The following FCRL5 variants were observed in gnomAD, a reference collection of about 807,000 sequenced individuals.
FCRL5 encodes Fc receptor-like protein 5.
In FCRL5, 79 loss-of-function variants were observed where a neutral mutation model predicts 92.1. The ratio of observed to expected loss-of-function variants is 0.86; its 90% confidence interval spans 0.72 to 1.03. The LOEUF (loss-of-function observed/expected upper bound fraction) is 1.03, where lower values mean the gene tolerates loss of function less well. Ranked by LOEUF, FCRL5 falls within the 50% of genes least tolerant of loss-of-function variation. The pLI is 0.00. For missense variants in FCRL5, 1,160 were observed against 1,181.1 expected (o/e 0.98, Z 0.26); for synonymous variants, 466 against 469.3 (o/e 0.99, Z 0.09).
chr1:157,545,884 T>A (rs1263871245), intron 3 of FCRL5, among the ~76,000 whole-genome samples: 1 of 152,200 alleles, frequency 6.6e-6, no homozygotes, highest in Non-Finnish European at 1.5e-5. Context: ...TGGACATCTG[T>A]GATTGTTTCA....
rs1443876429 is a variant in FCRL5 at position 157,544,379 on chromosome 1, G to C, written c.727C>G (p.Pro243Ala). The C allele has an allele frequency of 6.2e-7, 1 of 1,614,194 alleles. No individual in the cohort carries two copies. Among genetic ancestry groups the C allele is most frequent in the East Asian group, 2.2e-5 (1 of 44,874 alleles). The change falls in exon 5 of 17, where the codon CCG becomes GCG. Residue 243 changes from proline (P) to alanine (A), a missense_variant. Pro to Ala is a conservative substitution (Grantham distance 27, BLOSUM62 -1). Transcript: ENST00000361835. ...CACATGGCAGTAATCTGGAAATTCG[G>C]GGAGAGACTCCAGCCTAATCCCAGG... ...QTLGLGWSLS[P>A]NFQITAMWSK...
intron 13 of FCRL5, among the ~76,000 whole-genome samples, chr1:157,519,384 T>G (rs1650075947): frequency 6.6e-6 from 1 of 152,170 alleles, no homozygotes; most frequent in Non-Finnish European, 1.5e-5. Context: ...GTTGATGAGA[T>G]CAGCATCTCC....
chr1:157,524,434 T>C lies in FCRL5; in HGVS notation c.2084A>G (p.His695Arg). ...GATCTTACCCAGGGTGACATCTTCATGATAAAACCAGTACAGGATTGGGGA... is the reference window on the plus strand; with the variant it reads ...GATCTTACCCAGGGTGACATCTTCACGATAAAACCAGTACAGGATTGGGGA... ...GSSPILYWFY[H>R]EDVTLGKISA... Residue 695 changes from histidine to arginine, a missense_variant, in exon 10 of 17, where the codon CAT becomes CGT. By Grantham distance (29) the His-to-Arg change is conservative. Coordinates refer to ENST00000361835, the MANE Select transcript of FCRL5 (RefSeq NM_031281.3). 6.2e-7 allele frequency: 1 copy of C among 1,614,208 alleles called. No homozygotes were observed. The highest frequency in any genetic ancestry group is 8.5e-7 in the Non-Finnish European group (1 of 1,180,034).
Position 157,544,897 on chromosome 1 carries a change from G to A in FCRL5, c.493C>T (p.Arg165Cys), listed in dbSNP as rs756698513. 2.5e-6 allele frequency: 4 copies of A among 1,614,096 alleles called. No individual in the cohort carries two copies. Among genetic ancestry groups the A allele is most frequent in the South Asian group, 2.2e-5 (2 of 91,078 alleles). The change falls in exon 4 of 17, where the codon CGC becomes TGC. Residue 165 changes from arginine to cysteine, a missense_variant. By Grantham distance (180) the Arg-to-Cys change is radical. Coordinates refer to ENST00000361835, the MANE Select transcript of FCRL5 (RefSeq NM_031281.3). The stretch of plus-strand genomic sequence containing the variant: ...CAACTTTCCTTATATCCAGTACAGC[G>A]ATATGCACCATTGTCCTTGAGACAT... ...HACLKDNGAY[R>C]CTGYKESCCP...
At chr1:157,523,458 T>C (rs1650290694) in intron 10 of FCRL5, among the ~76,000 whole-genome samples, 1 of 152,146 alleles carries the variant, frequency 6.6e-6, no homozygotes, top group African/African-American at 2.4e-5. Flanking sequence ...TGGGAAGAGG[T>C]GCTTGGCCAA....
At chr1:157,526,492 C>T (rs1316511338) in intron 9 of FCRL5, among the ~76,000 whole-genome samples, 5 of 152,038 alleles carry the variant, frequency 3.3e-5, no homozygotes, top group Admixed American at 1.3e-4. Context: ...TACCATGTTA[C>T]GTGCCAGTGC....
intron 7 of FCRL5, among the ~76,000 whole-genome samples, chr1:157,537,363 C>T (rs1651014591): frequency 1.3e-5 from 2 of 152,180 alleles, no homozygotes; most frequent in Non-Finnish European, 2.9e-5. Flanking sequence ...GCTCTGGTCT[C>T]CTGTAGTGCT....
chr1:157,546,965 A>G lies in FCRL5; in HGVS notation c.285T>C (p.Pro95=). ...CACCTGAAGAAAAATCCAAGTGCAC[A>G]GGGCTACTGAGAGGGGAGCCCTGGG... The part of the protein sequence containing the change: ...CQAQGSPLSS[P]VHLDFSSASL... Residue 95 remains proline, a synonymous_variant, in exon 3 of 17, where the codon CCT becomes CCC. Transcript: ENST00000361835. 3.1e-6 allele frequency: 5 copies of G among 1,613,562 alleles called. No homozygotes were observed. Among genetic ancestry groups the G allele is most frequent in the Non-Finnish European group, 3.4e-6 (4 of 1,179,660 alleles).
intron 8 of FCRL5, 157 bp downstream of exon 8, chr1:157,534,457 G>T: frequency 1.2e-6 from 1 of 828,492 alleles, no homozygotes; most frequent in Non-Finnish European, 2.0e-6. Flanking sequence ...CAGGACTTAT[G>T]AGTACGGAAA....
chr1:157,535,399 A>G (rs1304750206), intron 7 of FCRL5, among the ~76,000 whole-genome samples: 1 of 152,238 alleles, frequency 6.6e-6, no homozygotes, highest in Admixed American at 6.5e-5. Flanking sequence ...CTATCTCCAT[A>G]TAAGAAAAAC....
chr1:157,534,169 C>T, intron 8 of FCRL5: 1 of 396,260 alleles, frequency 2.5e-6, no homozygotes, highest in South Asian at 2.6e-5. Context: ...TCCTAGGGAG[C>T]CATTTCCCCC....
Position 157,514,040 on chromosome 1 carries a change from T to G in FCRL5, c.*1635A>C, listed in dbSNP as rs776652442. 1.3e-5 allele frequency: 2 copies of G among 152,272 alleles called. No individual in the cohort carries two copies. The highest frequency in any genetic ancestry group is 2.9e-5 in the Non-Finnish European group (2 of 68,074). 9.4% of individuals were successfully genotyped at this position (152,272 alleles called of 1,614,324 possible). On this transcript the variant is annotated 3_prime_UTR_variant, in exon 17 of 17. Coordinates refer to ENST00000361835, the MANE Select transcript of FCRL5 (RefSeq NM_031281.3). ...TGCATACAGGCTCCTGTCTCAGGTG[T>G]CTGGTTTCCTCCTTGAAAGGTTGGG...
At chr1:157,536,470 C>T (rs915690339) in intron 7 of FCRL5, among the ~76,000 whole-genome samples, 9 of 152,222 alleles carry the variant, frequency 5.9e-5, no homozygotes, top group Admixed American at 2.0e-4. Flanking sequence ...CCCTCCTTCA[C>T]GCCTGGCTGC....
chr1:157,551,594 A>T (rs1651812911), intron 1 of FCRL5, among the ~76,000 whole-genome samples: 1 of 152,192 alleles, frequency 6.6e-6, no homozygotes, highest in Non-Finnish European at 1.5e-5. Context: ...ACTTTCCAGA[A>T]CATAGACGTA....
chr1:157,536,786 A>G (rs968529637), intron 7 of FCRL5, among the ~76,000 whole-genome samples: 35 of 152,344 alleles, frequency 2.3e-4, no homozygotes, highest in African/African-American at 7.5e-4. Context: ...AGGGACCCCG[A>G]ATGGAGGGAC....
At chr1:157,548,615 G>T (rs1484344817) in intron 2 of FCRL5, among the ~76,000 whole-genome samples, 1 of 152,168 alleles carries the variant, frequency 6.6e-6, no homozygotes, top group Non-Finnish European at 1.5e-5. Context: ...CCATCAAAAA[G>T]TGGGTGAAGG....
In FCRL5 at chr1:157,521,587, A is replaced by C. The variant is rs867223672; in HGVS notation, c.2240-295T>G. ...AACACAAAGACAACCATACAATACT[A>C]TTCTTTTTTCTATTTTTCAGGTTGG... On this transcript the variant is annotated intron_variant, in intron 10 of 16. Transcript: ENST00000361835. 74 of 247,332 alleles carry C rather than the reference A, an allele frequency of 3.0e-4. 1 individual carries two copies. In the Middle Eastern group the frequency reaches 4.0e-3, roughly 13 times the overall value. The allele number at this position is 247,332 out of a possible 1,614,324, so 15.3% of individuals were successfully genotyped here. A position where few individuals can be genotyped will look rare whatever the true frequency, so the allele number is the denominator to read the frequency against.
chr1:157,541,028 G>A (rs946618355), intron 6 of FCRL5, among the ~76,000 whole-genome samples: 1 of 152,198 alleles, frequency 6.6e-6, no homozygotes, highest in Non-Finnish European at 1.5e-5. Context: ...ATTCTAGTCT[G>A]TCTTCTGCCA....
chr1:157,547,238 T>G (rs745473385), intron 2 of FCRL5, 41 bp from the exon 3 acceptor site: 1 of 1,608,084 alleles, frequency 6.2e-7, no homozygotes, highest in Non-Finnish European at 8.5e-7. Flanking sequence ...TGGAGGCGCC[T>G]GCAGACCCAG....
Sources: gnomAD v4.1 joint callset for allele counts (sites outside exome capture counted in the v4.1 genomes callset) on GRCh38, gnomAD v4.1.1 for gene constraint, MANE v1.5 for transcripts, NCBI Gene and HGNC (gene_info 2026-07-23, HGNC 2026-07-21) for gene names.